The following SPATA16 variants were observed in gnomAD, a reference collection of about 807,000 sequenced individuals.
The protein encoded by SPATA16 is spermatogenesis associated 16.
In SPATA16, 36 loss-of-function variants were observed where a neutral mutation model predicts 63.3. That is an observed-to-expected ratio of 0.57 (90% CI 0.44 to 0.75). The LOEUF is 0.75. Among genes scored for constraint, SPATA16 ranks in the 30% least tolerant of loss-of-function variants. The probability of loss-of-function intolerance (pLI) is 0.00; values close to 1 mark genes in which losing one functional copy is unlikely to be tolerated. For synonymous variants in SPATA16, 203 were observed against 216.7 expected (o/e 0.94, Z 0.56); for missense variants, 646 against 679.3 (o/e 0.95, Z 0.54).
intron 1 of SPATA16, among the ~76,000 whole-genome samples, chr3:173,132,194 G>T (rs756953709): frequency 9.9e-5 from 15 of 151,968 alleles, no homozygotes; most frequent in Non-Finnish European, 1.2e-4. Context: ...TCATTAGATG[G>T]ATTAAACAAC....
In SPATA16 at chr3:172,936,721, T is replaced by A. The variant is rs190745317; in HGVS notation, c.1082-11229A>T. ...TTACTTATTTTTTATTTATTTATTT[T>A]TTTTGAGACAGAGCCTTGCTCTGTC... On this transcript the variant is annotated intron_variant, in intron 6 of 10. Transcript: ENST00000351008. 8.3e-4 allele frequency among the ~76,000 whole-genome samples: 126 copies of A among 152,266 alleles called. 1 individual carries two copies. The East Asian group carries it at 0.02, about 24-fold the overall frequency.
chr3:173,056,709 A>AAAAAT (rs2108298140), intron 2 of SPATA16, among the ~76,000 whole-genome samples: 1 of 144,152 alleles, frequency 6.9e-6, no homozygotes, highest in African/African-American at 2.6e-5. Context: ...TTGTTTCAAA[A>AAAAAT]AAAAAAAAAA....
chr3:173,034,571 G>T (rs2108286033), intron 3 of SPATA16, among the ~76,000 whole-genome samples: 1 of 152,158 alleles, frequency 6.6e-6, no homozygotes, highest in East Asian at 1.9e-4. Context: ...AATATTGATT[G>T]TTATTCCTAC....
intron 5 of SPATA16, among the ~76,000 whole-genome samples, chr3:172,961,300 T>TA (rs1733779904): frequency 6.6e-6 from 1 of 152,184 alleles, no homozygotes; most frequent in Non-Finnish European, 1.5e-5. Context: ...ACTATAATCA[T>TA]AGTAAATTGA....
rs146878840 is a variant in SPATA16, at chr3:172,987,048, G to C, written c.849-9996C>G. ...TCAGACTAGGGTGGGCTTTCATAGA[G>C]GAAGAGGCATTGAAGAAGTTATTGT... is the stretch of plus-strand genomic sequence containing the variant. On this transcript the variant is annotated intron_variant, in intron 4 of 10. Transcript: ENST00000351008. Among the ~76,000 whole-genome samples the C allele has an allele frequency of 5.7e-3, 872 of 152,258 alleles. 8 individuals carry two copies. Among genetic ancestry groups the C allele is most frequent in the Middle Eastern group, 0.01 (3 of 294 alleles).
At chr3:173,019,673 A>G (rs1735274630) in intron 3 of SPATA16, 98 bp from the exon 4 acceptor site, 1 of 1,127,070 alleles carries the variant, frequency 8.9e-7, no homozygotes, top group Admixed American at 1.8e-5. Context: ...AATTTTATAT[A>G]CTATGTGTTT....
rs1738158319 is a variant in SPATA16, at chr3:173,123,960, C to G, written c.-18-6211G>C. The stretch of plus-strand genomic sequence containing the variant: ...TGTAGCTGCAAATGTAATTATGGCC[C>G]TGCTATATTGCAGCCGTCATTAGAT... On this transcript the variant is annotated intron_variant, in intron 1 of 10. Transcript: ENST00000351008. Among the ~76,000 whole-genome samples the G allele has an allele frequency of 2.6e-5, 4 of 152,120 alleles. 1 individual carries two copies. In the South Asian group the frequency reaches 8.3e-4, roughly 32 times the overall value.
chr3:173,028,014 CCTTCCTTCT>C, intron 3 of SPATA16, among the ~76,000 whole-genome samples: 2 of 59,766 alleles, frequency 3.3e-5, no homozygotes, highest in Admixed American at 1.9e-4. Flanking sequence ...TCCCTCCCTC[CCTTCCTTCT>C]TTCCTTCCTT....
intron 2 of SPATA16, among the ~76,000 whole-genome samples, chr3:173,062,777 G>A (rs1052000744): frequency 5.3e-5 from 8 of 152,142 alleles, no homozygotes; most frequent in African/African-American, 1.9e-4. Context: ...TTTTTCCACG[G>A]ACAGGTTGGA....
chr3:172,976,009 T>G (rs142035327), intron 5 of SPATA16, among the ~76,000 whole-genome samples: 1 of 152,104 alleles, frequency 6.6e-6, no homozygotes, highest in Non-Finnish European at 1.5e-5. Context: ...TAGAACATCT[T>G]ATTCTGGTTG....
chr3:172,891,289 G>C (rs376102575), intron 10 of SPATA16, among the ~76,000 whole-genome samples: 1 of 152,076 alleles, frequency 6.6e-6, no homozygotes, highest in Admixed American at 6.6e-5. Flanking sequence ...TATCCATTAG[G>C]TATCTGCTGT....
At chr3:173,078,997 G>C (rs1736869832) in intron 2 of SPATA16, among the ~76,000 whole-genome samples, 1 of 152,114 alleles carries the variant, frequency 6.6e-6, no homozygotes, top group African/African-American at 2.4e-5. Context: ...ACTTGAAAAA[G>C]TTTGCAGTAT....
At chr3:173,104,355 T>G (rs531617717) in intron 2 of SPATA16, among the ~76,000 whole-genome samples, 5 of 152,338 alleles carry the variant, frequency 3.3e-5, no homozygotes, top group African/African-American at 1.2e-4. Flanking sequence ...TACCAGTTTC[T>G]GTGTTAGGCC....
intron 5 of SPATA16, among the ~76,000 whole-genome samples, chr3:172,967,032 T>A (rs1240737701): frequency 2.0e-5 from 3 of 152,190 alleles, no homozygotes; most frequent in Non-Finnish European, 2.9e-5. Flanking sequence ...GGAGTCAACA[T>A]GTTTGTAAAT....
chr3:172,956,672 C>G lies in SPATA16; in HGVS notation c.1081+5G>C, dbSNP rs776543945. ...AGCTGATAACTTGAAGATATTGAATCTTACCTGTGTACATATACTCTGCAT... is the reference window on the plus strand; with the variant it reads ...AGCTGATAACTTGAAGATATTGAATGTTACCTGTGTACATATACTCTGCAT... On this transcript the variant is annotated splice_donor_5th_base_variant and intron_variant, in intron 6 of 10. Transcript: ENST00000351008. The G allele has an allele frequency of 4.3e-6, 7 of 1,609,744 alleles. No individual in the cohort carries two copies. The East Asian group carries it at 1.6e-4, about 36-fold the overall frequency.
intron 4 of SPATA16, among the ~76,000 whole-genome samples, chr3:172,992,108 T>G (rs1449341239): frequency 2.6e-5 from 4 of 152,146 alleles, no homozygotes; most frequent in Admixed American, 2.0e-4. Flanking sequence ...TGTGGCACAG[T>G]ACAATACTCA....
intron 6 of SPATA16, among the ~76,000 whole-genome samples, chr3:172,955,939 C>G (rs908390970): frequency 2.0e-5 from 3 of 152,016 alleles, no homozygotes; most frequent in Non-Finnish European, 4.4e-5. Flanking sequence ...TTCAGTGACT[C>G]AGCCGCAAAA....
chr3:173,125,969 A>T (rs1296604247), intron 1 of SPATA16, among the ~76,000 whole-genome samples: 1 of 152,234 alleles, frequency 6.6e-6, no homozygotes, highest in Admixed American at 6.5e-5. Context: ...AAAATTAGGC[A>T]ATCACCTAAA....
chr3:172,980,756 G>T lies in SPATA16; in HGVS notation c.849-3704C>A, dbSNP rs142525262. Reference sequence around the variant, plus strand: ...TCTGCCAGCATACACAAATGCTGTTGTTTCTTCCTTTTAAAAACAAAACAA... The same window carrying T: ...TCTGCCAGCATACACAAATGCTGTTTTTTCTTCCTTTTAAAAACAAAACAA... On this transcript the variant is annotated intron_variant, in intron 4 of 10. Transcript: ENST00000351008. Among the ~76,000 whole-genome samples, 275 of 152,182 alleles carry T rather than the reference G, an allele frequency of 1.8e-3. 1 individual carries two copies. The highest frequency in any genetic ancestry group is 6.2e-3 in the African/African-American group (259 of 41,516).
Sources: gnomAD v4.1 joint callset for allele counts (sites outside exome capture counted in the v4.1 genomes callset) on GRCh38, gnomAD v4.1.1 for gene constraint, MANE v1.5 for transcripts, NCBI Gene and HGNC (gene_info 2026-07-23, HGNC 2026-07-21) for gene names.